Variants in CDH12 observed in about 807,000 individuals in gnomAD.
The protein encoded by CDH12 is cadherin-12.
In CDH12, 41 loss-of-function variants were observed where a neutral mutation model predicts 74.1. The ratio of observed to expected loss-of-function variants is 0.55; its 90% CI spans 0.43 to 0.72. The LOEUF is 0.72. CDH12 is among the 30% of genes least tolerant of loss of function. The pLI, the probability that CDH12 is intolerant of heterozygous loss-of-function variation, is 0.00. For missense variants in CDH12, 945 were observed against 977.2 expected, an observed-to-expected ratio of 0.97 and a Z score of 0.44; for synonymous variants, 399 against 355.0, an observed-to-expected ratio of 1.12 and a Z score of -1.39.
chr5:22,302,596 A>G (rs1339485585), intron 3 of CDH12, among the ~76,000 whole-genome samples: 2 of 152,156 alleles, frequency 1.3e-5, no homozygotes, highest in African/African-American at 4.8e-5. Flanking sequence ...AAAGATTTGA[A>G]TGATCTACAT....
intron 5 of CDH12, among the ~76,000 whole-genome samples, chr5:22,023,890 A>G (rs181798087): frequency 5.9e-5 from 9 of 152,250 alleles, no homozygotes; most frequent in African/African-American, 1.9e-4. Context: ...TAACACAGTT[A>G]TGTCATGTCA....
chr5:21,866,820 T>C (rs1475706145), intron 6 of CDH12, among the ~76,000 whole-genome samples: 13 of 152,168 alleles, frequency 8.5e-5, no homozygotes, highest in Admixed American at 8.5e-4. Context: ...CTCCAGGGCA[T>C]GTCAGAGACC....
intron 5 of CDH12, among the ~76,000 whole-genome samples, chr5:22,016,721 T>C (rs1025476109): frequency 2.0e-5 from 3 of 151,992 alleles, no homozygotes; most frequent in African/African-American, 7.3e-5. Flanking sequence ...AATTTAGCCT[T>C]CACTCAGTAT....
At chr5:22,829,098 T>G (rs1736465730) in intron 1 of CDH12, among the ~76,000 whole-genome samples, 3 of 152,186 alleles carry the variant, frequency 2.0e-5, no homozygotes, top group African/African-American at 4.8e-5. Context: ...TCATAATTCA[T>G]TTTCCATAGA....
intron 2 of CDH12, among the ~76,000 whole-genome samples, chr5:22,484,528 G>T (rs1274623247): frequency 2.6e-5 from 4 of 152,192 alleles, no homozygotes; most frequent in Non-Finnish European, 5.9e-5. Flanking sequence ...ACTGAATGTG[G>T]AAGGAAAGAC....
At chr5:22,500,165 C>A (rs955748386) in intron 2 of CDH12, among the ~76,000 whole-genome samples, 1 of 152,082 alleles carries the variant, frequency 6.6e-6, no homozygotes, top group Admixed American at 6.6e-5. Flanking sequence ...ATTAAAGTTT[C>A]TATCTTCAAC....
chr5:22,658,492 G>A (rs1053681275), intron 1 of CDH12, among the ~76,000 whole-genome samples: 2 of 151,952 alleles, frequency 1.3e-5, no homozygotes, highest in Non-Finnish European at 2.9e-5. Flanking sequence ...TTACAAGTCT[G>A]ACTAAAAGGG....
intron 1 of CDH12, among the ~76,000 whole-genome samples, chr5:22,599,578 T>TAA (rs879756837): frequency 1.4e-5 from 2 of 144,370 alleles, no homozygotes; most frequent in African/African-American, 2.5e-5. Flanking sequence ...ACCAACTCTG[T>TAA]AAAAAAAAAA....
intron 3 of CDH12, among the ~76,000 whole-genome samples, chr5:22,357,213 T>C (rs140638302): frequency 0.014 from 2,125 of 152,250 alleles, 27 homozygotes; most frequent in Middle Eastern, 0.027. Flanking sequence ...TACAGAACTG[T>C]CCAGGTTGGA....
At chr5:22,114,522 A>G (rs1004409094) in intron 4 of CDH12, among the ~76,000 whole-genome samples, 1 of 152,198 alleles carries the variant, frequency 6.6e-6, no homozygotes, top group African/African-American at 2.4e-5. Flanking sequence ...TTACATTATT[A>G]AACAGTCTCC....
chr5:22,260,931 C>T (rs1049466891), intron 3 of CDH12, among the ~76,000 whole-genome samples: 2 of 151,768 alleles, frequency 1.3e-5, no homozygotes, highest in African/African-American at 4.8e-5. Context: ...ATAATAGTAA[C>T]ACAATAAACA....
rs1176199354 is a variant in CDH12, at chr5:21,854,653, C to T, written c.646+18G>A. The T allele has an allele frequency of 6.6e-7, 1 of 1,520,764 alleles. No individual in the cohort carries two copies. Among genetic ancestry groups the T allele is most frequent in the Non-Finnish European group, 8.9e-7 (1 of 1,123,774 alleles). The allele number at this position is 1,520,764 out of a possible 1,614,324, so 94.2% of individuals were successfully genotyped here. A position where few individuals can be genotyped will look rare whatever the true frequency, so the allele number is the denominator to read the frequency against. ...TTTGAAGGGCTGGTGATAATGTTGC[C>T]TCTAATAAAAAATTTACCTGTCTTG... On this transcript the variant is annotated intron_variant, in intron 7 of 14. Transcript: ENST00000382254.
At chr5:22,309,029 G>A (rs191138885) in intron 3 of CDH12, among the ~76,000 whole-genome samples, 12 of 151,864 alleles carry the variant, frequency 7.9e-5, no homozygotes, top group Non-Finnish European at 1.2e-4. Context: ...AGAGAAAGAC[G>A]CTCAATTATG....
chr5:21,998,136 C>T (rs1392710242), intron 5 of CDH12, among the ~76,000 whole-genome samples: 21 of 152,066 alleles, frequency 1.4e-4, no homozygotes, highest in Non-Finnish European at 2.6e-4. Flanking sequence ...CTTACTTTGT[C>T]GTTATTCTCT....
intron 3 of CDH12, among the ~76,000 whole-genome samples, chr5:22,286,880 G>A (rs922103767): frequency 1.3e-5 from 2 of 152,146 alleles, no homozygotes; most frequent in African/African-American, 4.8e-5. Flanking sequence ...CATTTATGAA[G>A]TAATGCAGTT....
chr5:21,907,169 T>C (rs950218002), intron 6 of CDH12, among the ~76,000 whole-genome samples: 4 of 152,188 alleles, frequency 2.6e-5, no homozygotes, highest in African/African-American at 7.2e-5. Flanking sequence ...GTGCTACAGG[T>C]CTGCAATGCT....
At chr5:22,475,695 A>G (rs1195976033) in intron 2 of CDH12, among the ~76,000 whole-genome samples, 1 of 151,924 alleles carries the variant, frequency 6.6e-6, no homozygotes, top group East Asian at 1.9e-4. Flanking sequence ...TTTCCCCAAA[A>G]CCTTTTTTCT....
chr5:22,463,784 A>G (rs1745615377), intron 2 of CDH12, among the ~76,000 whole-genome samples: 1 of 152,192 alleles, frequency 6.6e-6, no homozygotes, highest in African/African-American at 2.4e-5. Flanking sequence ...AAATGATTTC[A>G]AAGTAGATAT....
chr5:22,239,410 C>A (rs919898143), intron 3 of CDH12, among the ~76,000 whole-genome samples: 70 of 151,732 alleles, frequency 4.6e-4, no homozygotes, highest in African/African-American at 1.6e-3. Context: ...AAAGATTATT[C>A]AATAACATCA....
Sources: gnomAD v4.1 joint callset for allele counts (sites outside exome capture counted in the v4.1 genomes callset) on GRCh38, gnomAD v4.1.1 for gene constraint, MANE v1.5 for transcripts, NCBI Gene and HGNC (gene_info 2026-07-23, HGNC 2026-07-21) for gene names.